SLCO4A1: variants seen among roughly 807,000 people sequenced by gnomAD.
SLCO4A1 encodes the protein colon organic anion transporter.
SLCO4A1 carries 51 observed loss-of-function variants against 64.6 expected under a neutral mutation model. The observed-to-expected ratio is 0.79, with a 90% confidence interval of 0.63 to 1.00. The LOEUF (loss-of-function observed/expected upper bound fraction) is 1.00. Among genes scored for constraint, SLCO4A1 ranks in the 50% least tolerant of loss-of-function variants. SLCO4A1 has a pLI of 0.00. For missense variants in SLCO4A1, 919 were observed against 980.5 expected (o/e 0.94, Z 0.84); for synonymous variants, 471 against 444.9 (o/e 1.06, Z -0.74).
Position 62,669,060 on chromosome 20 carries a change from C to T in SLCO4A1, c.2007C>T (p.Ile669=). The T allele has an allele frequency of 1.2e-6, 2 of 1,610,862 alleles. No individual in the cohort carries two copies. The highest frequency in any genetic ancestry group is 1.1e-5 in the South Asian group (1 of 91,078). ...CGGCCATGAGCCGCTACATACTCAT[C>T]ATGGGGCTCCTGTACAAGGTAAGCA... ...QNSAMSRYIL[I]MGLLYKVLGV... Residue 669 remains isoleucine, a synonymous_variant, in exon 11 of 12, where the codon ATC becomes ATT. Coordinates refer to ENST00000217159, the MANE Select transcript of SLCO4A1 (RefSeq NM_016354.4).
chr20:62,682,768 A>C (rs1190724613), intron 2 of SLCO4A1, among the ~76,000 whole-genome samples: 1 of 152,156 alleles, frequency 6.6e-6, no homozygotes, highest in Non-Finnish European at 1.5e-5. Context: ...AGTCGTCTGA[A>C]CTTGTGTGGA....
downstream of SLCO4A1, chr20:62,672,350 A>G (rs1987335046): frequency 2.1e-6 from 2 of 973,138 alleles, no homozygotes; most frequent in Non-Finnish European, 2.5e-6. Flanking sequence ...TGGTCTCGCC[A>G]TCCTTGGCCC....
At chr20:62,687,119 C>T (rs1166069224), downstream of SLCO4A1, among the ~76,000 whole-genome samples, 1 of 151,576 alleles carries the variant, frequency 6.6e-6, no homozygotes, top group African/African-American at 2.4e-5. Flanking sequence ...GGAAAGGGCA[C>T]CCCCAAACAG....
chr20:62,690,605 G>A (rs1304385117), downstream of SLCO4A1, among the ~76,000 whole-genome samples: 2 of 152,218 alleles, frequency 1.3e-5, no homozygotes, highest in African/African-American at 4.8e-5. Flanking sequence ...ATACTTTCAT[G>A]GACGCATTCT....
intron 2 of SLCO4A1, among the ~76,000 whole-genome samples, chr20:62,680,999 A>C (rs1400126468): frequency 6.6e-6 from 1 of 152,118 alleles, no homozygotes; most frequent in Non-Finnish European, 1.5e-5. Flanking sequence ...CAACCTCCCC[A>C]GGCTCAGGGC....
intron 2 of SLCO4A1, among the ~76,000 whole-genome samples, chr20:62,681,030 A>C (rs183341134): frequency 6.6e-6 from 1 of 152,098 alleles, no homozygotes. Context: ...CTCCCATTTC[A>C]GCATCCTGAG....
chr20:62,662,374 G>A (rs1332540165), intron 5 of SLCO4A1, among the ~76,000 whole-genome samples: 2 of 152,106 alleles, frequency 1.3e-5, no homozygotes, highest in Non-Finnish European at 2.9e-5. Flanking sequence ...CCCAGCAGCA[G>A]AGCGGCTTAG....
chr20:62,665,109 G>C, intron 6 of SLCO4A1, 21 bp downstream of exon 6: 1 of 1,594,728 alleles, frequency 6.3e-7, no homozygotes, highest in South Asian at 1.1e-5. Flanking sequence ...TGAATCTTGG[G>C]GGTCCTCTGC....
chr20:62,680,675 C>T (rs549103102), intron 2 of SLCO4A1, among the ~76,000 whole-genome samples: 24 of 151,844 alleles, frequency 1.6e-4, no homozygotes, highest in Non-Finnish European at 2.2e-4. Flanking sequence ...TGGTAGATTG[C>T]GCTGGTCGCT....
Position 62,661,237 on chromosome 20 carries a change from G to A in SLCO4A1, c.1121+62G>A. ...AGACCCTTTAATGGTCCCCATCTTG[G>A]GGGAGTCGTTGAGACCCCTCCGGGA... On this transcript the variant is annotated intron_variant, in intron 5 of 11. Coordinates refer to ENST00000217159, the MANE Select transcript of SLCO4A1 (RefSeq NM_016354.4). The surrounding 1 kb of genome is among the most constrained non-coding windows in gnomAD (Gnocchi z 5.2). 6 of 1,238,382 alleles carry A rather than the reference G, an allele frequency of 4.8e-6. No individual in the cohort carries two copies. Among genetic ancestry groups the A allele is most frequent in the East Asian group, 4.6e-5 (2 of 43,056 alleles). 76.7% of individuals were successfully genotyped at this position (1,238,382 alleles called of 1,614,324 possible). A position where few individuals can be genotyped will look rare whatever the true frequency, so the allele number is the denominator to read the frequency against.
At position 62,685,363 on chromosome 20, in the gene SLCO4A1, G is replaced by A; in HGVS notation, n.212-78G>A. On this transcript the variant is annotated intron_variant and non_coding_transcript_variant, in intron 2 of 2. Coordinates refer to the SLCO4A1 transcript ENST00000466818. The surrounding 1 kb of genome is among the most constrained non-coding windows in gnomAD (Gnocchi z 4.6). ...CCAAGGGTGGGTTCGTGGGGCAACT[G>A]CACCCGCTCCCTTCCACTCTGCTGT... 2.5e-6 allele frequency: 2 copies of A among 810,900 alleles called. No individual in the cohort carries two copies. Among genetic ancestry groups the A allele is most frequent in the Non-Finnish European group, 3.0e-6 (2 of 670,698 alleles). The allele number at this position is 810,900 out of a possible 1,614,324, so 50.2% of individuals were successfully genotyped here.
At chr20:62,667,431 T>A in intron 7 of SLCO4A1, 1 of 327,110 alleles carries the variant, frequency 3.1e-6, no homozygotes. Flanking sequence ...TCTTTCCTAA[T>A]GTTTGTATTT....
chr20:62,666,342 CT>C (rs1248870158), intron 6 of SLCO4A1, 37 bp from the exon 7 acceptor site: 3 of 1,594,006 alleles, frequency 1.9e-6, no homozygotes, highest in African/African-American at 1.3e-5. Flanking sequence ...CCACGGCCCC[CT>C]GCCTGAGTCC....
chr20:62,677,380 T>G (rs909263850), intron 2 of SLCO4A1, among the ~76,000 whole-genome samples: 1 of 152,202 alleles, frequency 6.6e-6, no homozygotes, highest in African/African-American at 2.4e-5. Flanking sequence ...CTGTAGACCA[T>G]GGAGATCTGT....
chr20:62,688,676 T>C (rs1988139794), downstream of SLCO4A1, among the ~76,000 whole-genome samples: 1 of 152,090 alleles, frequency 6.6e-6, no homozygotes, highest in African/African-American at 2.4e-5. Flanking sequence ...GGGGGATGCA[T>C]GCCCCCTGCC....
Position 62,658,777 on chromosome 20 carries a change from C to G in SLCO4A1, c.887+10C>G. 1 of 1,594,986 alleles carries G rather than the reference C, an allele frequency of 6.3e-7. No individual in the cohort carries two copies. The highest frequency in any genetic ancestry group is 8.5e-7 in the Non-Finnish European group (1 of 1,170,230). On this transcript the variant is annotated intron_variant, in intron 3 of 11. Coordinates refer to ENST00000217159, the MANE Select transcript of SLCO4A1 (RefSeq NM_016354.4). The stretch of plus-strand genomic sequence containing the variant: ...CGGAAATGGGCCGACGGTGAGTGGC[C>G]GCGCACCCAGCTGCCTGCGCTGGAG...
chr20:62,662,096 G>A (rs149915126), intron 5 of SLCO4A1, among the ~76,000 whole-genome samples: 352 of 152,308 alleles, frequency 2.3e-3, no homozygotes, highest in Middle Eastern at 0.017. Context: ...CAATGGGTGA[G>A]TCCCTGCTGC....
chr20:62,650,180 C>T (rs1982204761), intron 1 of SLCO4A1: 1 of 152,274 alleles, frequency 6.6e-6, no homozygotes, highest in African/African-American at 2.4e-5. Context: ...AGCTGACGCA[C>T]CTTTTTGTCA....
intron 1 of SLCO4A1, among the ~76,000 whole-genome samples, chr20:62,646,529 G>T (rs1981363241): frequency 6.6e-6 from 1 of 152,236 alleles, no homozygotes; most frequent in Non-Finnish European, 1.5e-5. Flanking sequence ...GCATGGGCAG[G>T]GCAAGCCACT....
Sources: allele counts gnomAD v4.1 joint callset (sites outside exome capture counted in the v4.1 genomes callset), GRCh38; gene constraint gnomAD v4.1.1; non-coding constraint Gnocchi (gnomAD v3.1); transcripts MANE v1.5; gene names NCBI Gene and HGNC (gene_info 2026-07-23, HGNC 2026-07-21).